Variants in SPHKAP observed in about 807,000 individuals in gnomAD.
SPHKAP encodes SPHK1 interactor, AKAP domain containing, also known as A-kinase anchor protein SPHKAP.
Under a neutral mutation model 137.5 loss-of-function variants are expected in SPHKAP, and 67 were observed. The ratio of observed to expected loss-of-function variants is 0.49; its 90% CI spans 0.40 to 0.60. The LOEUF is 0.60. SPHKAP is among the 20% of genes least tolerant of loss of function. SPHKAP has a pLI of 0.00. For synonymous variants in SPHKAP, 813 were observed against 785.3 expected (o/e 1.04, Z -0.59); for missense variants, 2,097 against 2,069.3 (o/e 1.01, Z -0.26).
At chr2:228,123,097 C>T (rs759338918) in intron 2 of SPHKAP, among the ~76,000 whole-genome samples, 3 of 152,184 alleles carry the variant, frequency 2.0e-5, no homozygotes, top group Non-Finnish European at 4.4e-5. Context: ...TCTGCTATCC[C>T]TATCCCCATC....
At chr2:228,151,634 G>A (rs1290469090) in intron 1 of SPHKAP, among the ~76,000 whole-genome samples, 1 of 152,102 alleles carries the variant, frequency 6.6e-6, no homozygotes, top group South Asian at 2.1e-4. Flanking sequence ...TCTAACTGGT[G>A]TGAGATGGTA....
In SPHKAP at chr2:228,107,308, T is replaced by A. The variant is rs60813928; in HGVS notation, c.246+1524A>T. Among the ~76,000 whole-genome samples, 676 of 152,294 alleles carry A rather than the reference T, an allele frequency of 4.4e-3. 9 individuals carry two copies. The highest frequency in any genetic ancestry group is 0.03 in the East Asian group (154 of 5,180). ...TCTACTTTTATGAGTTCAACTTTTT[T>A]AATTCAATTTTTCATTTTTGTGGAA... is the stretch of plus-strand genomic sequence containing the variant. On this transcript the variant is annotated intron_variant, in intron 3 of 11. Transcript: ENST00000392056.
intron 2 of SPHKAP, among the ~76,000 whole-genome samples, chr2:228,130,942 G>T (rs564782461): frequency 1.6e-4 from 25 of 152,014 alleles, no homozygotes; most frequent in Admixed American, 1.3e-4. Context: ...ATGAATGAAT[G>T]GATGGAAATA....
In SPHKAP at chr2:228,134,224, A is replaced by AGGAG. The variant is rs1363494725; in HGVS notation, c.33-2143_33-2140dup. On this transcript the variant is annotated intron_variant, in intron 1 of 11. Coordinates refer to ENST00000392056, the MANE Select transcript of SPHKAP (RefSeq NM_001142644.2). Reference sequence around the variant, plus strand: ...AGGGAGCGAGGAAGGAAGGAAGGGAAGGAGGGAGGGAGGAAGGAAGGAAGG... The same window carrying AGGAG: ...AGGGAGCGAGGAAGGAAGGAAGGGAAGGAGGGAGGGAGGGAGGAAGGAAGGAAGG... 8.4e-4 allele frequency among the ~76,000 whole-genome samples: 105 copies of AGGAG among 124,942 alleles called. 1 individual carries two copies. Among genetic ancestry groups the AGGAG allele is most frequent in the African/African-American group, 1.1e-3 (32 of 28,798 alleles). The allele number at this position is 124,942 out of a possible 152,430, so 82.0% of individuals were successfully genotyped here.
At chr2:228,161,875 A>C (rs1397078479) in intron 1 of SPHKAP, among the ~76,000 whole-genome samples, 2 of 152,184 alleles carry the variant, frequency 1.3e-5, no homozygotes, top group Non-Finnish European at 2.9e-5. Context: ...TAATCAGTTG[A>C]AATGCCTTGT....
intron 3 of SPHKAP, among the ~76,000 whole-genome samples, chr2:228,084,824 T>G (rs548266285): frequency 1.4e-4 from 21 of 152,248 alleles, no homozygotes; most frequent in Admixed American, 5.9e-4. Context: ...AGAGAAAAAA[T>G]GCATCTTTGC....
chr2:228,128,500 T>G (rs1256724299), intron 2 of SPHKAP, among the ~76,000 whole-genome samples: 1 of 152,178 alleles, frequency 6.6e-6, no homozygotes, highest in South Asian at 2.1e-4. Context: ...TTCAAACTCA[T>G]GTTTATGTTA....
At chr2:227,986,065 G>T (rs1403148746) in intron 11 of SPHKAP, among the ~76,000 whole-genome samples, 1 of 152,142 alleles carries the variant, frequency 6.6e-6, no homozygotes, top group Non-Finnish European at 1.5e-5. Context: ...GAGCATTGGA[G>T]TTCGTAAAAC....
intron 2 of SPHKAP, among the ~76,000 whole-genome samples, chr2:228,131,600 C>A (rs529673661): frequency 4.4e-4 from 66 of 151,662 alleles, no homozygotes; most frequent in Non-Finnish European, 7.8e-4. Context: ...AAAAGCAAAA[C>A]AGCCCTAAAG....
chr2:228,043,922 AAAAAG>A (rs1488376805), intron 3 of SPHKAP, among the ~76,000 whole-genome samples: 1 of 152,126 alleles, frequency 6.6e-6, no homozygotes, highest in African/African-American at 2.4e-5. Context: ...GAAAATATGA[AAAAAG>A]AAAAGGTAGA....
chr2:228,170,827 C>T (rs991562771), intron 1 of SPHKAP, among the ~76,000 whole-genome samples: 1 of 152,052 alleles, frequency 6.6e-6, no homozygotes, highest in African/African-American at 2.4e-5. Context: ...TGGGGTATAT[C>T]TCCTTTCCAT....
chr2:228,151,616 A>T (rs1699933923), intron 1 of SPHKAP, among the ~76,000 whole-genome samples: 1 of 152,046 alleles, frequency 6.6e-6, no homozygotes, highest in Admixed American at 6.5e-5. Flanking sequence ...CTTTTTAATG[A>T]TCGCCATTCT....
chr2:228,006,696 G>A (rs1217641958), intron 7 of SPHKAP, among the ~76,000 whole-genome samples: 1 of 152,104 alleles, frequency 6.6e-6, no homozygotes, highest in Non-Finnish European at 1.5e-5. Flanking sequence ...CTTTGATGAT[G>A]GTGATGTACA....
chr2:228,131,923 A>T, intron 2 of SPHKAP, 57 bp downstream of exon 2: 2 of 1,571,820 alleles, frequency 1.3e-6, no homozygotes, highest in Non-Finnish European at 1.7e-6. Context: ...AAAATTTCGA[A>T]TTAAATGAAT....
intron 3 of SPHKAP, among the ~76,000 whole-genome samples, chr2:228,080,426 T>G (rs146048569): frequency 0.01 from 1,554 of 152,272 alleles, 42 homozygotes; most frequent in African/African-American, 0.035. Context: ...CACAATGATG[T>G]CCAGGTGTGG....
chr2:228,115,924 C>T (rs1182648696), intron 2 of SPHKAP, among the ~76,000 whole-genome samples: 1 of 152,140 alleles, frequency 6.6e-6, no homozygotes. Context: ...GCTCTGCCCT[C>T]ATGCATGGAA....
chr2:228,110,272 A>AT (rs1174927788), intron 2 of SPHKAP, among the ~76,000 whole-genome samples: 1 of 151,964 alleles, frequency 6.6e-6, no homozygotes, highest in Non-Finnish European at 1.5e-5. Context: ...TAGATGAGTA[A>AT]TATTACTCAT....
At chr2:228,055,730 C>G (rs566363606) in intron 3 of SPHKAP, among the ~76,000 whole-genome samples, 21 of 152,318 alleles carry the variant, frequency 1.4e-4, no homozygotes, top group Admixed American at 1.1e-3. Context: ...ATGGCAGCCT[C>G]AGCTGCCATC....
intron 7 of SPHKAP, among the ~76,000 whole-genome samples, chr2:228,006,255 C>A (rs577912929): frequency 6.6e-6 from 1 of 152,070 alleles, no homozygotes; most frequent in Non-Finnish European, 1.5e-5. Context: ...ATTCTTTTTT[C>A]TCTAAATTTC....
Sources: allele counts gnomAD v4.1 joint callset (sites outside exome capture counted in the v4.1 genomes callset), GRCh38; gene constraint gnomAD v4.1.1; transcripts MANE v1.5; gene names NCBI Gene and HGNC (gene_info 2026-07-23, HGNC 2026-07-21).